MMP10: variants seen among roughly 807,000 people sequenced by gnomAD.
MMP10 encodes the protein stromelysin-2.
In MMP10, 50 loss-of-function variants were observed where a neutral mutation model predicts 49.1. The observed-to-expected ratio is 1.02, with a 90% CI of 0.81 to 1.29. MMP10 has a LOEUF of 1.29. Among genes scored for constraint, MMP10 ranks in the 50% most tolerant of loss-of-function variants. The pLI, the probability that MMP10 is intolerant of heterozygous loss-of-function variation, is 0.00. For synonymous variants in MMP10, 229 were observed against 201.6 expected (o/e 1.14, Z -1.15); for missense variants, 613 against 563.8 (o/e 1.09, Z -0.88).
chr11:102,778,690 G>A lies in MMP10; in HGVS notation c.556C>T (p.Pro186Ser). Residue 186 changes from proline (P) to serine (S), a missense_variant, in exon 4 of 10, where the codon CCT becomes TCT. Physicochemically the swap from Pro to Ser is moderately conservative, Grantham distance 74. Coordinates refer to ENST00000279441, the MANE Select transcript of MMP10 (RefSeq NM_002425.3). ...PGHSLAHAYPPGPGLYGDIHF... is the reference protein window; with the variant it reads ...PGHSLAHAYPSGPGLYGDIHF... ...ATATCTCCATAAAGCCCAGGTCCAGGTGGGTAGGCATGAGCCAAACTGTGT... is the reference window on the plus strand; with the variant it reads ...ATATCTCCATAAAGCCCAGGTCCAGATGGGTAGGCATGAGCCAAACTGTGT... 6.2e-7 allele frequency: 1 copy of A among 1,613,986 alleles called. No homozygotes were observed. The highest frequency in any genetic ancestry group is 8.5e-7 in the Non-Finnish European group (1 of 1,179,962).
chr11:102,773,547 C>A lies in MMP10; in HGVS notation c.1067-541G>T, dbSNP rs1861995157. Reference sequence around the variant, plus strand: ...CTGAATTCCTTCTTCGCACTCACTGCCAGATTCACTAATCTAAAATGTCCA... The same window carrying A: ...CTGAATTCCTTCTTCGCACTCACTGACAGATTCACTAATCTAAAATGTCCA... On this transcript the variant is annotated intron_variant, in intron 7 of 9. Coordinates refer to ENST00000279441, the MANE Select transcript of MMP10 (RefSeq NM_002425.3). Among the ~76,000 whole-genome samples, 6 of 152,218 alleles carry A rather than the reference C, an allele frequency of 3.9e-5. No homozygotes were observed. The South Asian group carries it at 1.2e-3, about 31-fold the overall frequency.
At position 102,779,712 on chromosome 11, in the gene MMP10, C is replaced by T. The variant is rs767782241; in HGVS notation, c.139G>A (p.Asp47Asn). The T allele has an allele frequency of 4.3e-6, 7 of 1,613,818 alleles. No individual in the cohort carries two copies. In the East Asian group the frequency reaches 1.1e-4, roughly 26 times the overall value. The stretch of plus-strand genomic sequence containing the variant: ...TCCTTTCTTCTAAACTGTTTCACAT[C>T]CTTTTCGAGGTTGTAGTACTTTTCT... ...YLEKYYNLEK[D>N]VKQFRRKDSN... Residue 47 changes from aspartate to asparagine, a missense_variant, in exon 2 of 10, where the codon GAT (aspartate) becomes AAT (asparagine). By Grantham distance (23) the Asp-to-Asn change is conservative. Coordinates refer to ENST00000279441, the MANE Select transcript of MMP10 (RefSeq NM_002425.3).
At chr11:102,778,167 C>A (rs7938449) in intron 4 of MMP10, among the ~76,000 whole-genome samples, 10 of 152,054 alleles carry the variant, frequency 6.6e-5, no homozygotes, top group South Asian at 4.1e-4. Flanking sequence ...GAAAAGATGA[C>A]CTAACAGTTT....
chr11:102,778,306 T>C (rs188763256), intron 4 of MMP10, among the ~76,000 whole-genome samples: 95 of 152,348 alleles, frequency 6.2e-4, no homozygotes, highest in Non-Finnish European at 1.3e-3. Context: ...CATTCTATCC[T>C]AATCATCTAT....
intron 7 of MMP10, among the ~76,000 whole-genome samples, chr11:102,773,427 A>G (rs1278220036): frequency 1.3e-5 from 2 of 152,200 alleles, no homozygotes; most frequent in Non-Finnish European, 2.9e-5. Flanking sequence ...TGTGAACACT[A>G]TCGGAATTCA....
At chr11:102,773,405 A>G (rs781426527) in intron 7 of MMP10, among the ~76,000 whole-genome samples, 2 of 152,160 alleles carry the variant, frequency 1.3e-5, no homozygotes, top group Middle Eastern at 3.2e-3. Flanking sequence ...ACCAATTCCA[A>G]TCTGTGCTTC....
At chr11:102,771,381 T>A (rs998828573) in intron 9 of MMP10, among the ~76,000 whole-genome samples, 1 of 152,192 alleles carries the variant, frequency 6.6e-6, no homozygotes, top group Admixed American at 6.5e-5. Context: ...GCATCCATCA[T>A]GGTTAAGTCA....
intron 1 of MMP10, 89 bp downstream of exon 1, chr11:102,780,398 T>C (rs963324880): frequency 9.8e-7 from 1 of 1,024,056 alleles, no homozygotes; most frequent in Non-Finnish European, 1.5e-6. Flanking sequence ...CAAAGTGATC[T>C]CTAGTCTAAT....
rs201701748 is a variant in MMP10, at chr11:102,780,550, G to C, written c.42C>G (p.Val14=). 2 of 1,613,992 alleles carry C rather than the reference G, an allele frequency of 1.2e-6. No individual in the cohort carries two copies. The highest frequency in any genetic ancestry group is 4.5e-5 in the East Asian group (2 of 44,882). The change falls in exon 1 of 10, where the codon GTC becomes GTG. Residue 14 remains valine, a synonymous_variant. Transcript: ENST00000279441. The part of the protein sequence containing the change: ...LAFLVLLCLP[V]CSAYPLSGAA... ...CCCCACTCAGAGGATAGGCAGAGCA[G>C]ACTGGCAGACACAACAGCACAAGGA... is the stretch of plus-strand genomic sequence containing the variant.
chr11:102,779,690 T>C lies in MMP10; in HGVS notation c.161A>G (p.Lys54Arg), dbSNP rs765331434. The C allele has an allele frequency of 6.2e-7, 1 of 1,614,038 alleles. No individual in the cohort carries two copies. Among genetic ancestry groups the C allele is most frequent in the East Asian group, 2.2e-5 (1 of 44,882 alleles). Residue 54 changes from lysine (K) to arginine (R), a missense_variant, in exon 2 of 10, where the codon AAG (lysine) becomes AGG (arginine). By Grantham distance (26) the Lys-to-Arg change is conservative. Transcript: ENST00000279441. ...LEKDVKQFRR[K>R]DSNLIVKKIQ... ...TTTTTTAACAATGAGATTACTGTCC[T>C]TTCTTCTAAACTGTTTCACATCCTT...
At chr11:102,775,579 G>A (rs1031352595) in intron 6 of MMP10, among the ~76,000 whole-genome samples, 1 of 152,068 alleles carries the variant, frequency 6.6e-6, no homozygotes, top group African/African-American at 2.4e-5. Flanking sequence ...AATATTATGT[G>A]TATATTGATG....
At chr11:102,773,348 A>G (rs1284286551) in intron 7 of MMP10, among the ~76,000 whole-genome samples, 1 of 152,234 alleles carries the variant, frequency 6.6e-6, no homozygotes, top group Non-Finnish European at 1.5e-5. Flanking sequence ...TTTCATACCA[A>G]TAGATCAGTT....
chr11:102,774,760 C>A (rs1007854900), intron 7 of MMP10, among the ~76,000 whole-genome samples: 2 of 152,140 alleles, frequency 1.3e-5, no homozygotes, highest in African/African-American at 4.8e-5. Flanking sequence ...TCTCTCCCTG[C>A]ACTGATACTA....
At chr11:102,776,564 G>T in intron 5 of MMP10, 48 bp downstream of exon 5, 2 of 1,588,770 alleles carry the variant, frequency 1.3e-6, no homozygotes, top group Non-Finnish European at 8.6e-7. Flanking sequence ...CTTTCTGGAG[G>T]ACTGTCATTG....
intron 7 of MMP10, among the ~76,000 whole-genome samples, chr11:102,773,837 C>A (rs1489885187): frequency 2.0e-5 from 3 of 152,324 alleles, no homozygotes; most frequent in Middle Eastern, 3.4e-3. Context: ...CAGCACTTGT[C>A]ATATGTAGGC....
In MMP10 at chr11:102,778,755, AG is replaced by A. The variant is rs1857782014; in HGVS notation, c.497-7del. 9 of 1,613,584 alleles carry A rather than the reference AG, an allele frequency of 5.6e-6. No homozygotes were observed. Among genetic ancestry groups the A allele is most frequent in the Non-Finnish European group, 7.6e-6 (9 of 1,179,850 alleles). The stretch of plus-strand genomic sequence containing the variant: ...AGAGTAAAAGTCTCCATGTTCTGAT[AG>A]GGAACAAATTAATGGAAATATAAGT... On this transcript the variant is annotated splice_region_variant and splice_polypyrimidine_tract_variant and intron_variant, in intron 3 of 9. Transcript: ENST00000279441.
At chr11:102,779,963 G>A (rs1857803132) in intron 1 of MMP10, among the ~76,000 whole-genome samples, 1 of 152,134 alleles carries the variant, frequency 6.6e-6, no homozygotes, top group Non-Finnish European at 1.5e-5. Flanking sequence ...GAAAATTCAA[G>A]TCTAGCATTA....
At chr11:102,775,636 T>A (rs1023963957) in intron 6 of MMP10, among the ~76,000 whole-genome samples, 2 of 152,186 alleles carry the variant, frequency 1.3e-5, no homozygotes, top group African/African-American at 4.8e-5. Context: ...AGGAAATTGG[T>A]AGCAGTGGTT....
At position 102,775,894 on chromosome 11, in the gene MMP10, T is replaced by G. The variant is rs375063685; in HGVS notation, c.932+386A>C. Among the ~76,000 whole-genome samples, 58 of 152,272 alleles carry G rather than the reference T, an allele frequency of 3.8e-4. 2 individuals are homozygous for G. The South Asian group carries it at 0.012, about 30-fold the overall frequency. Reference sequence around the variant, plus strand: ...TTTAAAAAAATGAACGAAACAGATATAACTCCCTGCCTTAATCAAACTTAC... The same window carrying G: ...TTTAAAAAAATGAACGAAACAGATAGAACTCCCTGCCTTAATCAAACTTAC... On this transcript the variant is annotated intron_variant, in intron 6 of 9. Coordinates refer to ENST00000279441, the MANE Select transcript of MMP10 (RefSeq NM_002425.3).
Sources: gnomAD v4.1 joint callset for allele counts (sites outside exome capture counted in the v4.1 genomes callset) on GRCh38, gnomAD v4.1.1 for gene constraint, MANE v1.5 for transcripts, NCBI Gene and HGNC (gene_info 2026-07-23, HGNC 2026-07-21) for gene names.